The following ERI3 variants were observed in gnomAD, a reference collection of about 807,000 sequenced individuals.
The protein encoded by ERI3 is ERI1 exoribonuclease family member 3, also known as ERI1 exoribonuclease 3.
ERI3 carries 18 observed loss-of-function variants against 44.4 expected under a neutral mutation model. The ratio of observed to expected loss-of-function variants is 0.41; its 90% confidence interval spans 0.28 to 0.60. The LOEUF (loss-of-function observed/expected upper bound fraction) is 0.60. Ranked by LOEUF, ERI3 falls within the 20% of genes least tolerant of loss-of-function variation. The probability of loss-of-function intolerance (pLI) is 0.36; values close to 1 mark genes in which losing one functional copy is unlikely to be tolerated. For synonymous variants in ERI3, 183 were observed against 164.8 expected, an observed-to-expected ratio of 1.11 and a Z score of -0.84; for missense variants, 294 against 435.5, an observed-to-expected ratio of 0.68 and a Z score of 2.89.
intron 2 of ERI3, among the ~76,000 whole-genome samples, chr1:44,345,601 C>CA (rs1336424427): frequency 7.9e-5 from 12 of 152,142 alleles, no homozygotes; most frequent in Non-Finnish European, 1.6e-4. Flanking sequence ...GAAACAACAA[C>CA]AAAAAACACA....
At chr1:44,284,929 G>A in intron 6 of ERI3, 22 bp from the exon 7 acceptor site, 1 of 1,609,244 alleles carries the variant, frequency 6.2e-7, no homozygotes, top group Non-Finnish European at 8.5e-7. Context: ...AGGGAAGAGA[G>A]AACAAGTTGG....
At chr1:44,251,536 G>C (rs2154318558) in intron 7 of ERI3, among the ~76,000 whole-genome samples, 1 of 152,312 alleles carries the variant, frequency 6.6e-6, no homozygotes, top group Non-Finnish European at 1.5e-5. Context: ...TGAGCCCTTT[G>C]GATTGCCTAC....
chr1:44,266,287 G>C (rs953892225), intron 7 of ERI3, among the ~76,000 whole-genome samples: 2 of 152,206 alleles, frequency 1.3e-5, no homozygotes, highest in African/African-American at 4.8e-5. Context: ...TAGGCAAGAA[G>C]GCAGCAAAGG....
chr1:44,298,643 G>A (rs145732578), intron 6 of ERI3, among the ~76,000 whole-genome samples: 1 of 152,218 alleles, frequency 6.6e-6, no homozygotes, highest in African/African-American at 2.4e-5. Flanking sequence ...GGTCGGGTGC[G>A]GTGTCTCATG....
chr1:44,272,465 T>TG (rs1645106216), intron 7 of ERI3, among the ~76,000 whole-genome samples: 1 of 152,194 alleles, frequency 6.6e-6, no homozygotes. Flanking sequence ...GTATATACCA[T>TG]GTATCACCTG....
At chr1:44,331,342 C>T (rs796803771) in intron 3 of ERI3, among the ~76,000 whole-genome samples, 6 of 151,456 alleles carry the variant, frequency 4.0e-5, no homozygotes, top group African/African-American at 7.3e-5. Flanking sequence ...GAAGGGGAGG[C>T]GTCATGTCAT....
At chr1:44,320,064 G>C (rs1646167448) in intron 3 of ERI3, among the ~76,000 whole-genome samples, 1 of 152,118 alleles carries the variant, frequency 6.6e-6, no homozygotes, top group Admixed American at 6.5e-5. Flanking sequence ...TTGCTAACTT[G>C]AGCCCCTAAG....
At chr1:44,306,659 G>A (rs1318691396) in intron 6 of ERI3, among the ~76,000 whole-genome samples, 1 of 152,204 alleles carries the variant, frequency 6.6e-6, no homozygotes, top group African/African-American at 2.4e-5. Flanking sequence ...CCAACCTCAT[G>A]CACGGGAAAG....
intron 7 of ERI3, among the ~76,000 whole-genome samples, chr1:44,255,903 C>T (rs1644769865): frequency 6.6e-6 from 1 of 152,290 alleles, no homozygotes; most frequent in South Asian, 2.1e-4. Context: ...TGCCTTCTCC[C>T]ACATTTTGTC....
chr1:44,304,101 G>C (rs1172646024), intron 6 of ERI3, among the ~76,000 whole-genome samples: 2 of 152,108 alleles, frequency 1.3e-5, no homozygotes, highest in Non-Finnish European at 2.9e-5. Flanking sequence ...AGGGTGTGAG[G>C]AGAAAGATAA....
chr1:44,260,160 G>A (rs752905778), intron 7 of ERI3, among the ~76,000 whole-genome samples: 16 of 152,300 alleles, frequency 1.1e-4, no homozygotes, highest in African/African-American at 3.4e-4. Flanking sequence ...GTAGACCTGC[G>A]CTCAAAGAAC....
At chr1:44,239,782 A>AAGAGGAGGG (rs200896982) in intron 8 of ERI3, among the ~76,000 whole-genome samples, 3,775 of 152,212 alleles carry the variant, frequency 0.025, 112 homozygotes, top group African/African-American at 0.077. Context: ...GAAGAAAGGA[A>AAGAGGAGGG]AGAGGAGGGA....
At chr1:44,299,081 T>C (rs1040319410) in intron 6 of ERI3, among the ~76,000 whole-genome samples, 6 of 152,002 alleles carry the variant, frequency 3.9e-5, no homozygotes, top group Non-Finnish European at 8.8e-5. Context: ...GTTCTTGATC[T>C]TGACCTGGGT....
Position 44,314,157 on chromosome 1 carries a change from G to GC in ERI3, c.607-930_607-929insG, listed in dbSNP as rs987536946. Among the ~76,000 whole-genome samples the GC allele has an allele frequency of 7.3e-5, 11 of 151,556 alleles. No individual in the cohort carries two copies. The South Asian group carries it at 2.1e-3, about 29-fold the overall frequency. On this transcript the variant is annotated intron_variant, in intron 4 of 8. Coordinates refer to ENST00000372257, the MANE Select transcript of ERI3 (RefSeq NM_024066.3). ...CTTCTTTTTTTTAAAGTGTGTTGGGGGGGGGGAGATTAAACTCCAATTAAA... is the reference window on the plus strand; with the variant it reads ...CTTCTTTTTTTTAAAGTGTGTTGGGGCGGGGGGAGATTAAACTCCAATTAAA...
intron 8 of ERI3, among the ~76,000 whole-genome samples, chr1:44,242,403 A>T (rs758166533): frequency 7.2e-5 from 11 of 152,216 alleles, no homozygotes; most frequent in Admixed American, 3.9e-4. Context: ...TCTCTAGTTG[A>T]GCCAGAAAGT....
At chr1:44,284,724 G>C in intron 7 of ERI3, 111 bp downstream of exon 7, 1 of 793,844 alleles carries the variant, frequency 1.3e-6, no homozygotes, top group Non-Finnish European at 2.1e-6. Context: ...GAAAAGAGAA[G>C]AACAAAAAGA....
intron 6 of ERI3, among the ~76,000 whole-genome samples, chr1:44,285,406 G>A (rs750742259): frequency 6.6e-6 from 1 of 152,180 alleles, no homozygotes; most frequent in Middle Eastern, 3.2e-3. Flanking sequence ...GAGGCAGACA[G>A]ACAAGATAGG....
intron 3 of ERI3, among the ~76,000 whole-genome samples, chr1:44,328,897 A>C (rs1646371568): frequency 6.6e-6 from 1 of 152,108 alleles, no homozygotes; most frequent in South Asian, 2.1e-4. Flanking sequence ...ATCACCAGAC[A>C]TTTCATCCTC....
intron 7 of ERI3, among the ~76,000 whole-genome samples, chr1:44,282,677 T>G (rs1029904092): frequency 2.0e-5 from 3 of 152,194 alleles, no homozygotes; most frequent in African/African-American, 7.2e-5. Context: ...CCACCTCTCC[T>G]GTTGGGCCTT....
Sources: allele counts gnomAD v4.1 joint callset (sites outside exome capture counted in the v4.1 genomes callset), GRCh38; gene constraint gnomAD v4.1.1; transcripts MANE v1.5; gene names NCBI Gene and HGNC (gene_info 2026-07-23, HGNC 2026-07-21).